SPOCK3: variants seen among roughly 807,000 people sequenced by gnomAD.
SPOCK3 encodes the protein testican-3.
In SPOCK3, 30 loss-of-function variants were observed where a neutral mutation model predicts 56.6. The ratio of observed to expected loss-of-function variants is 0.53; its 90% confidence interval spans 0.40 to 0.72. SPOCK3 has a LOEUF of 0.72. Ranked by LOEUF, SPOCK3 falls within the 30% of genes least tolerant of loss-of-function variation. The pLI is 0.00. For synonymous variants in SPOCK3, 196 were observed against 183.3 expected (o/e 1.07, Z -0.56); for missense variants, 527 against 530.0 (o/e 0.99, Z 0.06).
intron 6 of SPOCK3, among the ~76,000 whole-genome samples, chr4:166,837,692 C>G (rs1332483718): frequency 6.6e-6 from 1 of 152,184 alleles, no homozygotes; most frequent in East Asian, 1.9e-4. Flanking sequence ...CTTCTATCCT[C>G]AAACATAATT....
chr4:167,166,632 G>A (rs149708368), intron 2 of SPOCK3, among the ~76,000 whole-genome samples: 107 of 152,178 alleles, frequency 7.0e-4, no homozygotes, highest in African/African-American at 2.5e-3. Context: ...ATAGTGTCCT[G>A]TCAGACAGCT....
chr4:166,890,069 G>A (rs143628626), intron 5 of SPOCK3, among the ~76,000 whole-genome samples: 1 of 151,914 alleles, frequency 6.6e-6, no homozygotes, highest in African/African-American at 2.4e-5. Flanking sequence ...TTTGTAATAA[G>A]ATATTGTCAC....
At chr4:167,136,919 T>C (rs1463318597) in intron 2 of SPOCK3, among the ~76,000 whole-genome samples, 1 of 151,954 alleles carries the variant, frequency 6.6e-6, no homozygotes, top group Non-Finnish European at 1.5e-5. Context: ...TGGTCAGTAG[T>C]TGTTTGACGA....
chr4:167,075,041 G>A (rs1757045924), intron 2 of SPOCK3, among the ~76,000 whole-genome samples: 1 of 151,792 alleles, frequency 6.6e-6, no homozygotes, highest in South Asian at 2.1e-4. Flanking sequence ...TAAACAATAA[G>A]TTACTGTTAA....
chr4:166,928,577 G>A (rs552472681), intron 4 of SPOCK3, among the ~76,000 whole-genome samples: 9 of 152,146 alleles, frequency 5.9e-5, no homozygotes, highest in Non-Finnish European at 1.0e-4. Context: ...TTAGTGGAGT[G>A]AAACTACTCT....
At chr4:166,854,816 G>A (rs1579435022) in intron 6 of SPOCK3, among the ~76,000 whole-genome samples, 1 of 152,126 alleles carries the variant, frequency 6.6e-6, no homozygotes, top group Non-Finnish European at 1.5e-5. Context: ...TACAATCCCT[G>A]AGCAGCTTCT....
Position 166,754,715 on chromosome 4 carries a change from T to C in SPOCK3, c.724A>G (p.Ile242Val), listed in dbSNP as rs921244532. 2 of 1,613,348 alleles carry C rather than the reference T, an allele frequency of 1.2e-6. No homozygotes were observed. Among genetic ancestry groups the C allele is most frequent in the African/African-American group, 1.3e-5 (1 of 74,886 alleles). ...RPERSRFDTSILPICKDSLGW... is the reference protein window; with the variant it reads ...RPERSRFDTSVLPICKDSLGW... ...AGTGAGTCCTTGCAAATTGGCAAGA[T>C]GCTGGTATCGAATCCTAAAGGCAAA... is the stretch of plus-strand genomic sequence containing the variant. Residue 242 changes from isoleucine to valine, a missense_variant, in exon 8 of 11, where the codon ATC becomes GTC. Coordinates refer to ENST00000357545, the MANE Select transcript of SPOCK3 (RefSeq NM_001040159.2).
intron 2 of SPOCK3, among the ~76,000 whole-genome samples, chr4:167,202,211 T>C (rs532698054): frequency 6.6e-6 from 1 of 151,988 alleles, no homozygotes; most frequent in Admixed American, 6.6e-5. Context: ...CTTGAAACAA[T>C]GTAATTTTCA....
intron 2 of SPOCK3, among the ~76,000 whole-genome samples, chr4:167,223,547 G>T (rs868537744): frequency 6.6e-6 from 1 of 151,930 alleles, no homozygotes; most frequent in Middle Eastern, 3.4e-3. Context: ...TCTACTACTG[G>T]AGAGAGCCCT....
At chr4:166,996,766 C>T in intron 4 of SPOCK3, among the ~76,000 whole-genome samples, 1 of 152,104 alleles carries the variant, frequency 6.6e-6, no homozygotes, top group East Asian at 1.9e-4. Flanking sequence ...GGATGGTTTA[C>T]ACCATCCTTT....
chr4:166,890,332 G>A lies in SPOCK3; in HGVS notation c.475-1088C>T, dbSNP rs142137811. 1.1e-4 allele frequency among the ~76,000 whole-genome samples: 16 copies of A among 151,930 alleles called. No individual in the cohort carries two copies. In the East Asian group the frequency reaches 3.1e-3, roughly 29 times the overall value. On this transcript the variant is annotated intron_variant, in intron 5 of 10. Coordinates refer to ENST00000357545, the MANE Select transcript of SPOCK3 (RefSeq NM_001040159.2). ...AACATTTAGGGCTAGTTGCTCAAAT[G>A]CTCTCAGCCTCAATTTTCCCATTAA...
At chr4:166,746,299 C>T (rs1196859485) in intron 8 of SPOCK3, among the ~76,000 whole-genome samples, 1 of 152,172 alleles carries the variant, frequency 6.6e-6, no homozygotes, top group Non-Finnish European at 1.5e-5. Context: ...GTCTCTCAGA[C>T]CACAGTGCAA....
intron 3 of SPOCK3, among the ~76,000 whole-genome samples, chr4:167,037,063 T>A: frequency 6.6e-6 from 1 of 152,148 alleles, no homozygotes; most frequent in Non-Finnish European, 1.5e-5. Context: ...CAAAAGAGAT[T>A]GTAGAGTTGA....
At chr4:166,989,439 G>A (rs539164949) in intron 4 of SPOCK3, among the ~76,000 whole-genome samples, 2 of 152,012 alleles carry the variant, frequency 1.3e-5, no homozygotes, top group Non-Finnish European at 2.9e-5. Flanking sequence ...TCTAAGTTTA[G>A]TGAAGCCCCA....
intron 2 of SPOCK3, among the ~76,000 whole-genome samples, chr4:167,114,504 C>G (rs138830626): frequency 2.6e-5 from 4 of 152,154 alleles, no homozygotes; most frequent in African/African-American, 9.6e-5. Flanking sequence ...TTGCACGTGT[C>G]TCCTCTAATT....
intron 4 of SPOCK3, among the ~76,000 whole-genome samples, chr4:166,951,666 T>G (rs1201439353): frequency 7.2e-6 from 1 of 139,732 alleles, no homozygotes; most frequent in Non-Finnish European, 1.5e-5. Context: ...TGATGAACAT[T>G]GATGCAAAAA....
intron 6 of SPOCK3, among the ~76,000 whole-genome samples, chr4:166,888,880 C>A (rs775858947): frequency 1.1e-4 from 16 of 151,822 alleles, no homozygotes; most frequent in Non-Finnish European, 1.6e-4. Flanking sequence ...GTTTAGATTT[C>A]TTATATATGA....
rs111574390 is a variant in SPOCK3, at chr4:166,841,073, C to T, written c.589+48057G>A. 4.9e-3 allele frequency among the ~76,000 whole-genome samples: 737 copies of T among 151,636 alleles called. 7 individuals are homozygous for T. Among genetic ancestry groups the T allele is most frequent in the African/African-American group, 0.016 (664 of 41,062 alleles). On this transcript the variant is annotated intron_variant, in intron 6 of 10. Transcript: ENST00000357545. ...GATTACAGGCGTAAGCCCCCACGCC[C>T]GGCCCGCAGAAGTTTTTTTTTACTA... is the stretch of plus-strand genomic sequence containing the variant.
intron 6 of SPOCK3, among the ~76,000 whole-genome samples, chr4:166,802,123 C>CATAAATTAGAGAAAAA (rs1742668131): frequency 6.6e-6 from 1 of 151,908 alleles, no homozygotes; most frequent in Non-Finnish European, 1.5e-5. Flanking sequence ...ACCGAGAACA[C>CATAAATTAGAGAAAAA]ATAAATTAGA....
Sources: allele counts gnomAD v4.1 joint callset (sites outside exome capture counted in the v4.1 genomes callset), GRCh38; gene constraint gnomAD v4.1.1; transcripts MANE v1.5; gene names NCBI Gene and HGNC (gene_info 2026-07-23, HGNC 2026-07-21).